The following EPHA5 variants were observed in gnomAD, a reference collection of about 807,000 sequenced individuals.
EPHA5 encodes the protein EPH receptor A5.
Under a neutral mutation model 105.0 loss-of-function variants are expected in EPHA5, and 60 were observed. That is an observed-to-expected ratio of 0.57 (90% CI 0.46 to 0.71). The LOEUF (loss-of-function observed/expected upper bound fraction) is 0.71. Ranked by LOEUF, EPHA5 falls within the 30% of genes least tolerant of loss-of-function variation. EPHA5 has a pLI of 0.00. For missense variants in EPHA5, 1,218 were observed against 1,274.7 expected, an observed-to-expected ratio of 0.96 and a Z score of 0.68; for synonymous variants, 513 against 449.1, an observed-to-expected ratio of 1.14 and a Z score of -1.80.
chr4:65,333,981 A>G (rs1274549912), intron 15 of EPHA5, among the ~76,000 whole-genome samples: 1 of 151,864 alleles, frequency 6.6e-6, no homozygotes, highest in South Asian at 2.1e-4. Flanking sequence ...AACTTCCAAT[A>G]TATTGTACAG....
intron 3 of EPHA5, among the ~76,000 whole-genome samples, chr4:65,578,601 A>G (rs1741300177): frequency 6.6e-6 from 1 of 152,252 alleles, no homozygotes; most frequent in Non-Finnish European, 1.5e-5. Flanking sequence ...TAAAGAATGT[A>G]TCTAAATTAA....
chr4:65,443,438 TGGAAA>T (rs1726204887), intron 5 of EPHA5, among the ~76,000 whole-genome samples: 1 of 151,392 alleles, frequency 6.6e-6, no homozygotes, highest in Admixed American at 6.6e-5. Context: ...CCGAATTAGA[TGGAAA>T]GGAAATATTG....
At chr4:65,498,024 A>T (rs1732117798) in intron 3 of EPHA5, among the ~76,000 whole-genome samples, 1 of 151,992 alleles carries the variant, frequency 6.6e-6, no homozygotes, top group Admixed American at 6.6e-5. Flanking sequence ...AATTTAATCT[A>T]GATTATTAAA....
At chr4:65,416,548 G>A (rs1723401780) in intron 6 of EPHA5, among the ~76,000 whole-genome samples, 2 of 152,130 alleles carry the variant, frequency 1.3e-5, no homozygotes, top group Admixed American at 6.6e-5. Context: ...ACTACTGAAG[G>A]TACAATGAAT....
At chr4:65,465,213 G>A (rs921740531) in intron 5 of EPHA5, among the ~76,000 whole-genome samples, 7 of 151,844 alleles carry the variant, frequency 4.6e-5, no homozygotes, top group Non-Finnish European at 7.4e-5. Context: ...AGAAGCAGGC[G>A]GTTCACAGGG....
At chr4:65,492,573 G>T (rs1007034464) in intron 4 of EPHA5, among the ~76,000 whole-genome samples, 13 of 143,118 alleles carry the variant, frequency 9.1e-5, no homozygotes, top group Admixed American at 2.1e-4. Context: ...TCCCCACCTT[G>T]ACCATGTTTG....
chr4:65,386,317 T>C (rs1224832662), intron 8 of EPHA5, among the ~76,000 whole-genome samples: 1 of 151,976 alleles, frequency 6.6e-6, no homozygotes, highest in African/African-American at 2.4e-5. Context: ...AATGCACAGC[T>C]ATTTTTCTCC....
chr4:65,615,522 A>G (rs1160455830), intron 2 of EPHA5, among the ~76,000 whole-genome samples: 1 of 151,876 alleles, frequency 6.6e-6, no homozygotes, highest in Non-Finnish European at 1.5e-5. Flanking sequence ...AATACTATCA[A>G]CCAATAATTC....
chr4:65,475,729 C>A (rs1729731359), intron 5 of EPHA5, among the ~76,000 whole-genome samples: 1 of 152,128 alleles, frequency 6.6e-6, no homozygotes, highest in Non-Finnish European at 1.5e-5. Flanking sequence ...AGCTAAGCCA[C>A]ACGAATGTTT....
At chr4:65,567,779 T>C (rs1482182762) in intron 3 of EPHA5, among the ~76,000 whole-genome samples, 1 of 151,582 alleles carries the variant, frequency 6.6e-6, no homozygotes, top group African/African-American at 2.4e-5. Flanking sequence ...TCAGTGGATC[T>C]TTCTACAGTG....
intron 14 of EPHA5, among the ~76,000 whole-genome samples, chr4:65,339,111 A>G (rs983636556): frequency 2.0e-5 from 3 of 152,150 alleles, no homozygotes; most frequent in Non-Finnish European, 4.4e-5. Context: ...GATAGTCTGA[A>G]CACAATACTG....
chr4:65,483,357 A>G, intron 5 of EPHA5, among the ~76,000 whole-genome samples: 1 of 152,176 alleles, frequency 6.6e-6, no homozygotes, highest in African/African-American at 2.4e-5. Flanking sequence ...ATGACTTACA[A>G]TCCTTTGGGT....
chr4:65,579,949 T>C (rs942779522), intron 3 of EPHA5, among the ~76,000 whole-genome samples: 2 of 151,966 alleles, frequency 1.3e-5, no homozygotes, highest in Non-Finnish European at 2.9e-5. Flanking sequence ...ATTGCTTCTA[T>C]CATGCGAAAT....
intron 5 of EPHA5, among the ~76,000 whole-genome samples, chr4:65,435,660 C>A (rs1305147982): frequency 6.6e-6 from 1 of 152,030 alleles, no homozygotes; most frequent in African/African-American, 2.4e-5. Flanking sequence ...AACCCCAGAT[C>A]TGGAGTTGAG....
At chr4:65,457,385 T>TA (rs1727702906) in intron 5 of EPHA5, among the ~76,000 whole-genome samples, 1 of 152,128 alleles carries the variant, frequency 6.6e-6, no homozygotes. Context: ...ATTTGATTGA[T>TA]AAAAACCAAC....
chr4:65,596,383 G>C (rs1456350037), intron 3 of EPHA5, among the ~76,000 whole-genome samples: 3 of 151,830 alleles, frequency 2.0e-5, no homozygotes, highest in African/African-American at 7.3e-5. Flanking sequence ...CAGTGAACAA[G>C]ACAACATCCC....
At chr4:65,332,200 A>T (rs1344496773) in intron 15 of EPHA5, 72 bp from the exon 16 acceptor site, 1 of 1,263,372 alleles carries the variant, frequency 7.9e-7, no homozygotes, top group East Asian at 2.7e-5. Flanking sequence ...CTATAATGTT[A>T]ACTCATATTC....
chr4:65,601,417 ACT>A (rs1395401911), intron 3 of EPHA5, among the ~76,000 whole-genome samples: 2 of 152,144 alleles, frequency 1.3e-5, no homozygotes, highest in Non-Finnish European at 2.9e-5. Context: ...CAAGTCAGAC[ACT>A]CTCTGAGTAT....
At chr4:65,426,605 A>G (rs565944239) in intron 5 of EPHA5, among the ~76,000 whole-genome samples, 1 of 152,268 alleles carries the variant, frequency 6.6e-6, no homozygotes, top group East Asian at 1.9e-4. Context: ...ATAGAATGGC[A>G]TTTAATTTTT....
Sources: gnomAD v4.1 joint callset for allele counts (sites outside exome capture counted in the v4.1 genomes callset) on GRCh38, gnomAD v4.1.1 for gene constraint, MANE v1.5 for transcripts, NCBI Gene and HGNC (gene_info 2026-07-23, HGNC 2026-07-21) for gene names.